The following TIAM1 variants were observed in gnomAD, a reference collection of about 807,000 sequenced individuals.
TIAM1 encodes the protein TIAM Rac1 associated GEF 1.
TIAM1 carries 65 observed loss-of-function variants against 163.5 expected under a neutral mutation model. The observed-to-expected ratio is 0.40, with a 90% confidence interval of 0.33 to 0.49. The LOEUF is 0.49. Ranked by LOEUF, TIAM1 falls within the 20% of genes least tolerant of loss-of-function variation. The probability of loss-of-function intolerance (pLI) is 0.77; values close to 1 mark genes in which losing one functional copy is unlikely to be tolerated. For synonymous variants in TIAM1, 833 were observed against 810.1 expected (o/e 1.03, Z -0.48); for missense variants, 1,789 against 2,044.7 (o/e 0.87, Z 2.41).
At chr21:31,456,366 C>T (rs547784086) in intron 2 of TIAM1, among the ~76,000 whole-genome samples, 1 of 152,306 alleles carries the variant, frequency 6.6e-6, no homozygotes, top group South Asian at 2.1e-4. Flanking sequence ...GGACCAGGTG[C>T]GTGAGGATCA....
At position 31,207,305 on chromosome 21, in the gene TIAM1, G is replaced by C. The variant is rs376485160; in HGVS notation, c.2388+2740C>G. Among the ~76,000 whole-genome samples, 91 of 152,312 alleles carry C rather than the reference G, an allele frequency of 6.0e-4. 2 individuals are homozygous for C. In the South Asian group the frequency reaches 9.5e-3, roughly 16 times the overall value. ...TATACCAGAACTTGACTGGTGCTCAGATGGCAGATGGCAAACTGATGTGAA... is the reference window on the plus strand; with the variant it reads ...TATACCAGAACTTGACTGGTGCTCACATGGCAGATGGCAAACTGATGTGAA... On this transcript the variant is annotated intron_variant, in intron 11 of 27. Transcript: ENST00000541036.
intron 14 of TIAM1, among the ~76,000 whole-genome samples, chr21:31,185,718 G>A (rs917830685): frequency 6.7e-5 from 10 of 149,292 alleles, no homozygotes; most frequent in East Asian, 3.9e-4. Context: ...TATTACACAC[G>A]AAAGTTACAA....
intron 6 of TIAM1, among the ~76,000 whole-genome samples, chr21:31,235,152 G>A (rs1020361669): frequency 1.3e-5 from 2 of 152,124 alleles, no homozygotes; most frequent in African/African-American, 2.4e-5. Flanking sequence ...TGCCAGGGGA[G>A]GGCAGGCTTC....
intron 2 of TIAM1, among the ~76,000 whole-genome samples, chr21:31,331,764 G>A (rs149576040): frequency 1.2e-4 from 18 of 152,272 alleles, no homozygotes; most frequent in Non-Finnish European, 2.1e-4. Flanking sequence ...AAGGAAGCCT[G>A]GTGGATACAC....
At chr21:31,281,225 A>T (rs2073551958) in intron 2 of TIAM1, among the ~76,000 whole-genome samples, 1 of 152,110 alleles carries the variant, frequency 6.6e-6, no homozygotes, top group South Asian at 2.1e-4. Context: ...CAAAATACCC[A>T]GGTTCAATTC....
At chr21:31,432,013 C>G (rs534352910) in intron 2 of TIAM1, among the ~76,000 whole-genome samples, 24 of 150,296 alleles carry the variant, frequency 1.6e-4, no homozygotes, top group Non-Finnish European at 3.0e-4. Context: ...CATCTTACAA[C>G]TAATTCCTTG....
chr21:31,558,975 G>T (rs1351943523), exon 1 of TIAM1: 2 of 151,718 alleles, frequency 1.3e-5, no homozygotes, highest in South Asian at 4.1e-4. Context: ...CACGATGCGG[G>T]GCAGCCGTGC....
intron 1 of TIAM1, among the ~76,000 whole-genome samples, chr21:31,475,838 GAAC>G (rs1489696162): frequency 6.6e-6 from 1 of 152,222 alleles, no homozygotes; most frequent in Non-Finnish European, 1.5e-5. Flanking sequence ...AAAGTTATGG[GAAC>G]AACTTGACAA....
chr21:31,383,367 T>C (rs926528632), intron 2 of TIAM1, among the ~76,000 whole-genome samples: 1 of 152,172 alleles, frequency 6.6e-6, no homozygotes, highest in African/African-American at 2.4e-5. Flanking sequence ...CCACTAAGCA[T>C]TACAAGGATT....
At chr21:31,429,933 G>A (rs2043940830) in intron 2 of TIAM1, among the ~76,000 whole-genome samples, 2 of 152,254 alleles carry the variant, frequency 1.3e-5, no homozygotes, top group Admixed American at 1.3e-4. Context: ...GGGGAGCCGG[G>A]AGTGGTGGCA....
intron 1 of TIAM1, among the ~76,000 whole-genome samples, chr21:31,506,908 C>A (rs1215975122): frequency 1.3e-5 from 2 of 152,152 alleles, no homozygotes; most frequent in African/African-American, 4.8e-5. Flanking sequence ...CAGAGGGAGA[C>A]CCTGTCTCAA....
At chr21:31,412,822 C>G (rs2043246789) in intron 2 of TIAM1, among the ~76,000 whole-genome samples, 1 of 149,852 alleles carries the variant, frequency 6.7e-6, no homozygotes, top group Non-Finnish European at 1.5e-5. Context: ...AGCACGCAAC[C>G]TAGATCCCTC....
intron 12 of TIAM1, among the ~76,000 whole-genome samples, chr21:31,197,818 T>C (rs1003416567): frequency 1.3e-5 from 2 of 152,108 alleles, no homozygotes; most frequent in Non-Finnish European, 2.9e-5. Flanking sequence ...GAAAGTACTT[T>C]CCTAAATTCA....
intron 1 of TIAM1, chr21:31,558,850 G>GCTCC (rs2048988987): frequency 6.6e-6 from 1 of 152,106 alleles, no homozygotes; most frequent in South Asian, 2.1e-4. Flanking sequence ...GGGCACCGAG[G>GCTCC]CTCCGGGCAT....
chr21:31,230,090 A>C (rs2300341), intron 6 of TIAM1, among the ~76,000 whole-genome samples: 90,117 of 151,930 alleles, frequency 0.59, 26,910 homozygotes, highest in African/African-American at 0.65. Context: ...CCACATCCAT[A>C]TCTTCAAGGC....
In TIAM1 at chr21:31,432,091, C is replaced by CTT. The variant is rs11291911; in HGVS notation, c.-369+31890_-369+31891dup. Among the ~76,000 whole-genome samples the CTT allele has an allele frequency of 6.7e-3, 628 of 93,672 alleles. 59 individuals are homozygous for CTT. Among genetic ancestry groups the CTT allele is most frequent in the African/African-American group, 9.9e-3 (215 of 21,784 alleles). 61.5% of individuals were successfully genotyped at this position (93,672 alleles called of 152,430 possible). ...TGAACATGTCAAAAATCTAAGATTC[C>CTT]TTTTTTTTTTTTTTTTTTTTTTTTT... On this transcript the variant is annotated intron_variant, in intron 2 of 28. Transcript: ENST00000286827.
At chr21:31,382,878 C>A (rs1032106656) in intron 2 of TIAM1, among the ~76,000 whole-genome samples, 1 of 152,156 alleles carries the variant, frequency 6.6e-6, no homozygotes, top group African/African-American at 2.4e-5. Context: ...TCAATTTCAC[C>A]TTGGCGAATT....
intron 2 of TIAM1, among the ~76,000 whole-genome samples, chr21:31,327,779 GA>G (rs1344671615): frequency 6.6e-6 from 1 of 151,836 alleles, no homozygotes; most frequent in Non-Finnish European, 1.5e-5. Flanking sequence ...TGAGCAATAA[GA>G]AAGTCTAATC....
At chr21:31,525,530 T>G (rs973443682) in intron 1 of TIAM1, among the ~76,000 whole-genome samples, 1 of 151,886 alleles carries the variant, frequency 6.6e-6, no homozygotes, top group Non-Finnish European at 1.5e-5. Flanking sequence ...AGCATGAGAT[T>G]TGGAGGGGAC....
Sources: allele counts gnomAD v4.1 joint callset (sites outside exome capture counted in the v4.1 genomes callset), GRCh38; gene constraint gnomAD v4.1.1; transcripts MANE v1.5; gene names NCBI Gene and HGNC (gene_info 2026-07-23, HGNC 2026-07-21).